The following NLGN1 variants were observed in gnomAD, a reference collection of about 807,000 sequenced individuals.
NLGN1 encodes neuroligin-1.
NLGN1 carries 12 observed loss-of-function variants against 65.5 expected under a neutral mutation model. That is an observed-to-expected ratio of 0.18 (90% CI 0.12 to 0.30). The LOEUF (loss-of-function observed/expected upper bound fraction) is 0.30, where lower values mean the gene tolerates loss of function less well. Ranked by LOEUF, NLGN1 falls within the 10% of genes least tolerant of loss-of-function variation. NLGN1 has a pLI of 1.00. For missense variants in NLGN1, 750 were observed against 1,007.1 expected (o/e 0.74, Z 3.46); for synonymous variants, 350 against 359.5 (o/e 0.97, Z 0.30).
At chr3:173,620,122 G>C (rs77020330) in intron 3 of NLGN1, among the ~76,000 whole-genome samples, 2,221 of 152,218 alleles carry the variant, frequency 0.015, 99 homozygotes, top group Admixed American at 0.095. Context: ...GAGCACTGTA[G>C]AATGTTCTTT....
intron 2 of NLGN1, among the ~76,000 whole-genome samples, chr3:173,539,816 A>T (rs915946284): frequency 5.9e-5 from 8 of 134,910 alleles, no homozygotes; most frequent in Admixed American, 2.2e-4. Flanking sequence ...ACATATATAC[A>T]TATGTTATAT....
intron 3 of NLGN1, among the ~76,000 whole-genome samples, chr3:173,694,601 G>A (rs1487747507): frequency 6.6e-6 from 1 of 152,116 alleles, no homozygotes; most frequent in East Asian, 1.9e-4. Context: ...ACATGTTTTT[G>A]TGCATAGCTC....
At chr3:174,159,852 G>C (rs1052251037) in intron 4 of NLGN1, among the ~76,000 whole-genome samples, 2 of 151,436 alleles carry the variant, frequency 1.3e-5, no homozygotes, top group Non-Finnish European at 3.0e-5. Context: ...CTTAACCTTC[G>C]CTAGGCATTT....
At chr3:173,680,630 T>C (rs552251103) in intron 3 of NLGN1, among the ~76,000 whole-genome samples, 2 of 152,160 alleles carry the variant, frequency 1.3e-5, no homozygotes, top group Non-Finnish European at 2.9e-5. Flanking sequence ...GATTCTTGTG[T>C]TTGCTCATTA....
intron 4 of NLGN1, among the ~76,000 whole-genome samples, chr3:174,077,813 C>G (rs918443290): frequency 6.6e-6 from 1 of 152,140 alleles, no homozygotes; most frequent in Non-Finnish European, 1.5e-5. Context: ...CTCAGCCTCC[C>G]AAAGTGCTAG....
At chr3:174,227,061 G>C (rs772396936) in intron 4 of NLGN1, among the ~76,000 whole-genome samples, 10 of 152,162 alleles carry the variant, frequency 6.6e-5, no homozygotes, top group Non-Finnish European at 1.2e-4. Flanking sequence ...TATGTAATAG[G>C]TGAGTTTTTA....
At chr3:173,899,953 A>G (rs537163371) in intron 4 of NLGN1, among the ~76,000 whole-genome samples, 1 of 152,262 alleles carries the variant, frequency 6.6e-6, no homozygotes, top group South Asian at 2.1e-4. Context: ...TAAATGATGC[A>G]TATGCAATCA....
chr3:173,939,870 A>C (rs1745705256), intron 4 of NLGN1, among the ~76,000 whole-genome samples: 1 of 152,082 alleles, frequency 6.6e-6, no homozygotes, highest in Admixed American at 6.5e-5. Flanking sequence ...TATCCAAAAG[A>C]AGTTGAATGA....
chr3:174,075,411 A>G (rs186069442), intron 4 of NLGN1, among the ~76,000 whole-genome samples: 123 of 152,320 alleles, frequency 8.1e-4, no homozygotes, highest in African/African-American at 2.8e-3. Flanking sequence ...AAATCTATTT[A>G]AATGATAATC....
At chr3:173,473,712 G>A (rs143840655) in intron 2 of NLGN1, among the ~76,000 whole-genome samples, 68 of 152,190 alleles carry the variant, frequency 4.5e-4, no homozygotes, top group South Asian at 1.5e-3. Flanking sequence ...TTTGCATTGT[G>A]CAGTAATTTC....
chr3:173,413,460 C>T (rs564506445), intron 1 of NLGN1, among the ~76,000 whole-genome samples: 10 of 151,920 alleles, frequency 6.6e-5, no homozygotes, highest in South Asian at 2.1e-4. Flanking sequence ...ATAAGCTGGG[C>T]GTGGTGGCAT....
intron 4 of NLGN1, among the ~76,000 whole-genome samples, chr3:174,240,905 T>A (rs886971337): frequency 1.3e-5 from 2 of 152,192 alleles, no homozygotes; most frequent in Admixed American, 1.3e-4. Context: ...GGCTCTACCA[T>A]ATTCCTCTGC....
At chr3:173,409,811 C>A (rs1712132844) in intron 1 of NLGN1, among the ~76,000 whole-genome samples, 1 of 152,092 alleles carries the variant, frequency 6.6e-6, no homozygotes, top group Non-Finnish European at 1.5e-5. Flanking sequence ...ATAAAAAAGA[C>A]AAGTATTGAT....
rs149028101 is a variant in NLGN1, at chr3:173,994,635, A to G, written c.646+186803A>G. Among the ~76,000 whole-genome samples, 847 of 152,280 alleles carry G rather than the reference A, an allele frequency of 5.6e-3. 13 individuals carry two copies. Among genetic ancestry groups the G allele is most frequent in the African/African-American group, 0.02 (816 of 41,560 alleles). On this transcript the variant is annotated intron_variant, in intron 4 of 6. Coordinates refer to ENST00000457714, the Ensembl canonical transcript of NLGN1. The stretch of plus-strand genomic sequence containing the variant: ...CTTACTGTGAAACATTTTGTTTAGC[A>G]AAGATCCAGGCAAAATTAGGTGACA...
chr3:174,039,634 G>C (rs1731865140), intron 4 of NLGN1, among the ~76,000 whole-genome samples: 1 of 152,144 alleles, frequency 6.6e-6, no homozygotes, highest in South Asian at 2.1e-4. Flanking sequence ...CAGTAAGTTA[G>C]TGAAGTTATT....
intron 2 of NLGN1, among the ~76,000 whole-genome samples, chr3:173,540,409 G>T (rs1309050417): frequency 6.6e-6 from 1 of 152,160 alleles, no homozygotes. Flanking sequence ...TGAGGAATAT[G>T]TTGACTCCAA....
At chr3:174,012,957 A>C (rs1725845142) in intron 4 of NLGN1, among the ~76,000 whole-genome samples, 1 of 152,224 alleles carries the variant, frequency 6.6e-6, no homozygotes, top group African/African-American at 2.4e-5. Context: ...AAAGTGAATC[A>C]GACAGTGAGG....
chr3:174,199,038 T>C (rs1332254283), intron 4 of NLGN1, among the ~76,000 whole-genome samples: 1 of 151,866 alleles, frequency 6.6e-6, no homozygotes, highest in African/African-American at 2.4e-5. Context: ...GTAGAGACAG[T>C]GTTTCCCTAT....
At chr3:174,264,932 A>G (rs888396776) in intron 4 of NLGN1, among the ~76,000 whole-genome samples, 3 of 151,858 alleles carry the variant, frequency 2.0e-5, no homozygotes, top group South Asian at 2.1e-4. Context: ...GTCTGTTGGA[A>G]TACCCTGCTG....
Sources: allele counts gnomAD v4.1 joint callset (sites outside exome capture counted in the v4.1 genomes callset), GRCh38; gene constraint gnomAD v4.1.1; transcripts MANE v1.5; gene names NCBI Gene and HGNC (gene_info 2026-07-23, HGNC 2026-07-21).